The following LY96 variants were observed in gnomAD, a reference collection of about 807,000 sequenced individuals.
LY96 encodes the protein myeloid differentiation protein-2.
Under a neutral mutation model 18.9 loss-of-function variants are expected in LY96, and 18 were observed. The ratio of observed to expected loss-of-function variants is 0.95; its 90% CI spans 0.66 to 1.41. The LOEUF is 1.41. Ranked by LOEUF, LY96 falls within the 40% of genes most tolerant of loss-of-function variation. The pLI is 0.00. For synonymous variants in LY96, 66 were observed against 62.6 expected, an observed-to-expected ratio of 1.06 and a Z score of -0.26; for missense variants, 175 against 182.4, an observed-to-expected ratio of 0.96 and a Z score of 0.23.
chr8:74,044,345 A>G, the LY96 span, among the ~76,000 whole-genome samples: 1 of 151,966 alleles, frequency 6.6e-6, no homozygotes, highest in African/African-American at 2.4e-5. Flanking sequence ...ACCACCATGC[A>G]CAGCTAATTA....
the LY96 span, among the ~76,000 whole-genome samples, chr8:74,081,184 C>T: frequency 7.9e-6 from 1 of 126,144 alleles, no homozygotes; most frequent in African/African-American, 3.0e-5. Flanking sequence ...TTTCTTTTCC[C>T]TTCCTTCCTT....
At chr8:74,062,706 G>A in the LY96 span, among the ~76,000 whole-genome samples, 6 of 152,082 alleles carry the variant, frequency 3.9e-5, no homozygotes, top group African/African-American at 1.4e-4. Flanking sequence ...AACTCAATCT[G>A]TATCAATTCA....
At chr8:74,010,834 C>G (rs1290574870) in intron 3 of LY96, among the ~76,000 whole-genome samples, 2 of 151,704 alleles carry the variant, frequency 1.3e-5, no homozygotes, top group Admixed American at 6.6e-5. Flanking sequence ...GAGCAGCATC[C>G]TAACTCTAAG....
chr8:74,080,709 C>T, the LY96 span, among the ~76,000 whole-genome samples: 1 of 152,140 alleles, frequency 6.6e-6, no homozygotes, highest in Non-Finnish European at 1.5e-5. Flanking sequence ...GAGAGGTAAA[C>T]GGGGTAGAAT....
At chr8:74,072,842 C>G in the LY96 span, among the ~76,000 whole-genome samples, 1 of 152,266 alleles carries the variant, frequency 6.6e-6, no homozygotes, top group South Asian at 2.1e-4. Flanking sequence ...AGGCCGGGAG[C>G]CTGCAGGAGT....
downstream of LY96, among the ~76,000 whole-genome samples, chr8:74,033,021 A>G (rs1178558328): frequency 1.3e-5 from 2 of 152,106 alleles, no homozygotes; most frequent in Admixed American, 6.5e-5. Flanking sequence ...AAAAATTTCT[A>G]TTGCCCACAT....
chr8:74,080,552 C>A, the LY96 span, among the ~76,000 whole-genome samples: 2 of 152,298 alleles, frequency 1.3e-5, no homozygotes, highest in East Asian at 1.9e-4. Context: ...TCAAGCTGTG[C>A]GTATGAAACA....
At chr8:74,059,282 G>A in the LY96 span, among the ~76,000 whole-genome samples, 1 of 152,186 alleles carries the variant, frequency 6.6e-6, no homozygotes, top group Non-Finnish European at 1.5e-5. Context: ...GCAAATGCTT[G>A]ATAGAAAGAT....
At chr8:74,070,321 G>C in the LY96 span, among the ~76,000 whole-genome samples, 1 of 152,004 alleles carries the variant, frequency 6.6e-6, no homozygotes, top group Non-Finnish European at 1.5e-5. Flanking sequence ...TCAATCTCCT[G>C]ACCTCGTGAT....
intron 2 of LY96, among the ~76,000 whole-genome samples, chr8:74,005,469 T>C (rs1301758437): frequency 6.6e-6 from 1 of 152,202 alleles, no homozygotes; most frequent in Non-Finnish European, 1.5e-5. Flanking sequence ...GGGAATAACT[T>C]CAGCTGTCCA....
intron 1 of LY96, among the ~76,000 whole-genome samples, chr8:73,995,728 A>ATT (rs11409980): frequency 2.3e-4 from 34 of 149,974 alleles, no homozygotes; most frequent in African/African-American, 6.3e-4. Flanking sequence ...TCTAATCTTT[A>ATT]TTTTTTTTTT....
At chr8:74,066,936 A>T in the LY96 span, among the ~76,000 whole-genome samples, 7,124 of 152,332 alleles carry the variant, frequency 0.047, 421 homozygotes, top group African/African-American at 0.13. Flanking sequence ...GTACAAGTAA[A>T]TTGTTTTGAA....
At chr8:74,019,192 AAG>A (rs1333160749) in intron 3 of LY96, among the ~76,000 whole-genome samples, 3 of 152,136 alleles carry the variant, frequency 2.0e-5, no homozygotes, top group Admixed American at 6.5e-5. Flanking sequence ...TAATGAAGAA[AAG>A]AGAGAAGAAT....
At chr8:74,092,216 A>T in the LY96 span, among the ~76,000 whole-genome samples, 1 of 152,196 alleles carries the variant, frequency 6.6e-6, no homozygotes, top group South Asian at 2.1e-4. Flanking sequence ...TTCAAGGAAG[A>T]TGGTGGGGGA....
the LY96 span, among the ~76,000 whole-genome samples, chr8:74,096,918 G>A: frequency 1.3e-5 from 2 of 152,142 alleles, no homozygotes; most frequent in African/African-American, 4.8e-5. Context: ...AGTTTCCCTG[G>A]GGGTAGTTTC....
At chr8:74,009,889 T>G (rs1400762815) in intron 2 of LY96, 112 bp from the exon 3 acceptor site, 4 of 765,152 alleles carry the variant, frequency 5.2e-6, no homozygotes, top group Non-Finnish European at 6.7e-6. Flanking sequence ...GATGATTAAA[T>G]GAAATAATGT....
the LY96 span, among the ~76,000 whole-genome samples, chr8:74,069,917 A>G: frequency 6.6e-6 from 1 of 152,016 alleles, no homozygotes; most frequent in Non-Finnish European, 1.5e-5. Context: ...ATTTGTTAGA[A>G]AATGAATCAG....
chr8:74,021,015 G>A (rs1159987503), intron 3 of LY96, among the ~76,000 whole-genome samples: 2 of 152,156 alleles, frequency 1.3e-5, no homozygotes, highest in Non-Finnish European at 2.9e-5. Flanking sequence ...CATGGGCAAG[G>A]ACTTTATGAC....
chr8:73,992,454 T>G (rs1198590407), intron 1 of LY96, among the ~76,000 whole-genome samples: 1 of 152,190 alleles, frequency 6.6e-6, no homozygotes. Flanking sequence ...CAGATGTACT[T>G]TGGGTTCTGA....
Sources: allele counts gnomAD v4.1 joint callset (sites outside exome capture counted in the v4.1 genomes callset), GRCh38; gene constraint gnomAD v4.1.1; transcripts MANE v1.5; gene names NCBI Gene and HGNC (gene_info 2026-07-23, HGNC 2026-07-21).